PTK2: variants seen among roughly 807,000 people sequenced by gnomAD.
PTK2 encodes protein tyrosine kinase 2.
PTK2 carries 45 observed loss-of-function variants against 150.1 expected under a neutral mutation model. That is an observed-to-expected ratio of 0.30 (90% confidence interval 0.24 to 0.38). The LOEUF (loss-of-function observed/expected upper bound fraction) is 0.38, where lower values mean the gene tolerates loss of function less well. PTK2 is among the 10% of genes least tolerant of loss of function. The pLI is 1.00. For synonymous variants in PTK2, 432 were observed against 449.2 expected (o/e 0.96, Z 0.48); for missense variants, 919 against 1,307.3 (o/e 0.70, Z 4.58).
At chr8:140,920,750 C>T in intron 2 of PTK2, 1 of 1,299,278 alleles carries the variant, frequency 7.7e-7, no homozygotes, top group Non-Finnish European at 9.9e-7. Context: ...AAACATTTAT[C>T]TACCTTTTCG....
intron 1 of PTK2, among the ~76,000 whole-genome samples, chr8:140,933,499 C>A (rs199911370): frequency 6.6e-6 from 1 of 152,154 alleles, no homozygotes; most frequent in African/African-American, 2.4e-5. Flanking sequence ...GGTTTTGGAA[C>A]GCTAAATCCT....
intron 23 of PTK2, 43 bp downstream of exon 26, chr8:140,717,555 T>C (rs1166763461): frequency 1.4e-6 from 2 of 1,459,164 alleles, no homozygotes; most frequent in African/African-American, 1.4e-5. Flanking sequence ...ATCTTGAAAG[T>C]TAGTAAGAGT....
rs553998300 is a variant in PTK2, at chr8:140,789,549, T to C, written c.1125-23A>G. The C allele has an allele frequency of 3.4e-5, 54 of 1,610,018 alleles. No individual in the cohort carries two copies. In the East Asian group the frequency reaches 1.0e-3, roughly 30 times the overall value. ...AACCTGTGACAGACAAGAGCAAAGC[T>C]GTAAGCCCTGCAATTTCCCCAGGAC... is the stretch of plus-strand genomic sequence containing the variant. On this transcript the variant is annotated intron_variant, in intron 13 of 31. Transcript: ENST00000522684.
intron 26 of PTK2, among the ~76,000 whole-genome samples, chr8:140,688,283 C>A (rs1193851283): frequency 6.6e-6 from 1 of 152,164 alleles, no homozygotes; most frequent in Non-Finnish European, 1.5e-5. Flanking sequence ...TGGCACAGTT[C>A]CTGGTTGGTG....
chr8:140,770,719 TAGA>T, intron 14 of PTK2: 4 of 1,333,820 alleles, frequency 3.0e-6, no homozygotes, highest in Non-Finnish European at 3.0e-6. Flanking sequence ...GCAGTACCCG[TAGA>T]AGGAGGATCA....
At position 140,702,562 on chromosome 8, in the gene PTK2, C is replaced by A. The variant is rs374445316; in HGVS notation, c.2367+8G>T. ...TTAACAAACTGAAGCCCAAGACACC[C>A]GATTTACCTCCACATTGGGCTGCCA... On this transcript the variant is annotated splice_region_variant and intron_variant, in intron 25 of 31. Transcript: ENST00000522684. The A allele has an allele frequency of 1.9e-6, 3 of 1,612,534 alleles. No homozygotes were observed. Among genetic ancestry groups the A allele is most frequent in the African/African-American group, 1.3e-5 (1 of 74,862 alleles).
chr8:140,751,817 C>A, intron 17 of PTK2: 1 of 437,858 alleles, frequency 2.3e-6, no homozygotes, highest in Non-Finnish European at 4.5e-6. Context: ...GATTTTGTAG[C>A]AGGACAAGGG....
intron 1 of PTK2, among the ~76,000 whole-genome samples, chr8:140,972,573 T>C (rs1010177273): frequency 6.6e-6 from 1 of 152,196 alleles, no homozygotes; most frequent in African/African-American, 2.4e-5. Context: ...CCTCAATTAC[T>C]GTTTTTATAT....
chr8:140,705,549 C>A (rs1342324617), intron 24 of PTK2, among the ~76,000 whole-genome samples: 3 of 152,172 alleles, frequency 2.0e-5, no homozygotes, highest in Non-Finnish European at 4.4e-5. Flanking sequence ...GGATGGGATG[C>A]ACTGGGGTAT....
intron 7 of PTK2, among the ~76,000 whole-genome samples, chr8:140,844,148 A>G (rs750810100): frequency 6.6e-6 from 1 of 152,202 alleles, no homozygotes; most frequent in Non-Finnish European, 1.5e-5. Flanking sequence ...CCACAGAGGT[A>G]AAGTGCCTTT....
chr8:140,664,952 T>C, exon 31 of PTK2: 1 of 1,613,556 alleles, frequency 6.2e-7, no homozygotes, highest in Non-Finnish European at 8.5e-7. Flanking sequence ...AGGGGAATGG[T>C]CTCATCCACA....
At chr8:140,980,317 T>C (rs1454161555) in intron 1 of PTK2, among the ~76,000 whole-genome samples, 1 of 152,174 alleles carries the variant, frequency 6.6e-6, no homozygotes. Context: ...TATAGCATGA[T>C]ACCCTTAGTA....
chr8:140,888,053 T>C (rs777796689), intron 3 of PTK2, among the ~76,000 whole-genome samples: 1 of 152,230 alleles, frequency 6.6e-6, no homozygotes, highest in Non-Finnish European at 1.5e-5. Flanking sequence ...AGTTTCTTTC[T>C]GACAAGTAAT....
chr8:140,699,337 TG>T (rs1330749851), intron 26 of PTK2, among the ~76,000 whole-genome samples: 4 of 151,646 alleles, frequency 2.6e-5, no homozygotes, highest in African/African-American at 9.7e-5. Context: ...TCAAGGAGAG[TG>T]GGGAATGGGT....
Position 140,721,333 on chromosome 8 carries a change from C to T in PTK2, c.2031-3624G>A, listed in dbSNP as rs980428065. ...ATCAAACCAACAGATCAAGAATATG[C>T]CTGCTAAAACAGTCACTGATATACA... On this transcript the variant is annotated intron_variant, in intron 22 of 31. Transcript: ENST00000522684. Among the ~76,000 whole-genome samples the T allele has an allele frequency of 2.6e-5, 4 of 152,118 alleles. No homozygotes were observed. The East Asian group carries it at 7.7e-4, about 29-fold the overall frequency.
At chr8:140,868,369 GA>G (rs2100140604) in intron 4 of PTK2, among the ~76,000 whole-genome samples, 1 of 152,160 alleles carries the variant, frequency 6.6e-6, no homozygotes, top group African/African-American at 2.4e-5. Flanking sequence ...GGGAAGAATG[GA>G]AATAGAAATT....
rs541286638 is a variant in PTK2, at chr8:140,743,936, C to T, written c.1635-606G>A. On this transcript the variant is annotated intron_variant, in intron 19 of 31. Transcript: ENST00000522684. ...GGGACTACAGGCGCCCGCCACCATG[C>T]CCAGCTAATTTTTTGTATTTTTAGT... Among the ~76,000 whole-genome samples the T allele has an allele frequency of 3.8e-3, 577 of 151,974 alleles. 2 individuals carry two copies. Among genetic ancestry groups the T allele is most frequent in the Non-Finnish European group, 6.0e-3 (408 of 67,934 alleles).
chr8:140,868,807 G>C (rs1451409123), intron 4 of PTK2, among the ~76,000 whole-genome samples: 1 of 152,144 alleles, frequency 6.6e-6, no homozygotes, highest in Non-Finnish European at 1.5e-5. Context: ...TCTCAGATTA[G>C]AGAAGACTTA....
At position 140,704,737 on chromosome 8, in the gene PTK2, T is replaced by C. The variant is rs1010963289; in HGVS notation, c.2229+1382A>G. ...GGTTTCTTTCTTTAGGCCACCTACG[T>C]ACTTCCCATTGCTCTGACCCTTGTG... On this transcript the variant is annotated intron_variant, in intron 24 of 31. Transcript: ENST00000522684. 3.3e-5 allele frequency among the ~76,000 whole-genome samples: 5 copies of C among 152,180 alleles called. No homozygotes were observed. In the South Asian group the frequency reaches 1.0e-3, roughly 32 times the overall value.
Sources: allele counts gnomAD v4.1 joint callset (sites outside exome capture counted in the v4.1 genomes callset), GRCh38; gene constraint gnomAD v4.1.1; transcripts MANE v1.5; gene names NCBI Gene and HGNC (gene_info 2026-07-23, HGNC 2026-07-21).